Variants in MRTFA observed in about 807,000 individuals in gnomAD.
The protein encoded by MRTFA is myocardin-related transcription factor A.
In MRTFA, 20 loss-of-function variants were observed where a neutral mutation model predicts 83.5. The observed-to-expected ratio is 0.24, with a 90% CI of 0.17 to 0.35. The LOEUF is 0.35. MRTFA is among the 10% of genes least tolerant of loss of function. MRTFA has a pLI of 1.00. For missense variants in MRTFA, 1,200 were observed against 1,224.7 expected (o/e 0.98, Z 0.30); for synonymous variants, 659 against 541.2 (o/e 1.22, Z -3.02).
At chr22:40,569,332 C>T (rs17002019) in intron 2 of MRTFA, 19,683 of 215,870 alleles carry the variant, frequency 0.091, 1,147 homozygotes, top group East Asian at 0.24. Context: ...ACAGGACTGC[C>T]CCTTTTGACA....
intron 4 of MRTFA, among the ~76,000 whole-genome samples, chr22:40,459,313 G>A (rs1018651230): frequency 1.0e-4 from 15 of 150,488 alleles, no homozygotes; most frequent in African/African-American, 3.7e-4. Flanking sequence ...CAACAGGGAC[G>A]TAAATGAGGA....
At chr22:40,458,617 T>G (rs964532893) in intron 4 of MRTFA, among the ~76,000 whole-genome samples, 2 of 152,160 alleles carry the variant, frequency 1.3e-5, no homozygotes, top group African/African-American at 4.8e-5. Flanking sequence ...GTTTTTTTCC[T>G]TCCTGGAGGC....
At chr22:40,449,190 C>T (rs1289916464) in intron 4 of MRTFA, among the ~76,000 whole-genome samples, 1 of 151,398 alleles carries the variant, frequency 6.6e-6, no homozygotes, top group Admixed American at 6.6e-5. Flanking sequence ...TGGCGTGAAC[C>T]CAGGAGGCGG....
At chr22:40,529,174 A>G (rs1309972079) in intron 3 of MRTFA, among the ~76,000 whole-genome samples, 10 of 152,016 alleles carry the variant, frequency 6.6e-5, no homozygotes, top group Admixed American at 6.6e-4. Flanking sequence ...ATTAATTGCC[A>G]CTCCCCTCTT....
At chr22:40,538,574 A>T (rs1002767723) in intron 3 of MRTFA, among the ~76,000 whole-genome samples, 5 of 71,786 alleles carry the variant, frequency 7.0e-5, no homozygotes, top group Non-Finnish European at 1.2e-4. Flanking sequence ...TAAAAAAATA[A>T]ATTAAAAAAA....
At position 40,636,703 on chromosome 22, in the gene MRTFA, A is replaced by C. The variant is rs890405893; in HGVS notation, c.-309T>G. The C allele has an allele frequency of 2.0e-5, 3 of 152,324 alleles. No individual in the cohort carries two copies. The highest frequency in any genetic ancestry group is 7.2e-5 in the African/African-American group (3 of 41,440). The allele number at this position is 152,324 out of a possible 1,614,324, so 9.4% of individuals were successfully genotyped here. A position where few individuals can be genotyped will look rare whatever the true frequency, so the allele number is the denominator to read the frequency against. On this transcript the variant is annotated 5_prime_UTR_variant, in exon 1 of 15. Transcript: ENST00000355630. The stretch of plus-strand genomic sequence containing the variant: ...CTGCCGCCGCCGGCTCCTCTCAGCC[A>C]CGGAAGCTGCGGGCCCGCCCACCAC...
chr22:40,618,485 T>A (rs975345461), intron 1 of MRTFA, among the ~76,000 whole-genome samples: 1 of 151,852 alleles, frequency 6.6e-6, no homozygotes, highest in African/African-American at 2.4e-5. Context: ...AGAGAGTATT[T>A]CGGGTAGAGG....
At position 40,552,144 on chromosome 22, in the gene MRTFA, C is replaced by T; in HGVS notation, c.203G>A (p.Arg68Lys). 2.5e-6 allele frequency: 1 copy of T among 399,014 alleles called. No homozygotes were observed. Among genetic ancestry groups the T allele is most frequent in the South Asian group, 1.3e-4 (1 of 7,856 alleles). The allele number at this position is 399,014 out of a possible 1,614,324, so 24.7% of individuals were successfully genotyped here. ...ACTAAGTGGAGGCAAATTGGGATTCCTGCCAGGGTGGAGGCCTAGGGTCAG... is the reference window on the plus strand; with the variant it reads ...ACTAAGTGGAGGCAAATTGGGATTCTTGCCAGGGTGGAGGCCTAGGGTCAG... Residue 68 changes from arginine to lysine, a missense_variant, in exon 3 of 15, where the codon AGG (arginine) becomes AAG (lysine). Around this residue, in one of 2 missense-constraint regions of MRTFA, gnomAD observed 93 missense variants for 182.9 expected, o/e 0.51. Coordinates refer to ENST00000355630, the MANE Select transcript of MRTFA (RefSeq NM_020831.6).
At chr22:40,527,051 G>A (rs889397472) in intron 3 of MRTFA, among the ~76,000 whole-genome samples, 1 of 151,956 alleles carries the variant, frequency 6.6e-6, no homozygotes, top group African/African-American at 2.4e-5. Context: ...GCTTGAGCCA[G>A]GAAGGTTGAG....
chr22:40,432,542 A>T (rs1300772088), intron 5 of MRTFA, among the ~76,000 whole-genome samples: 1 of 152,090 alleles, frequency 6.6e-6, no homozygotes, highest in Non-Finnish European at 1.5e-5. Flanking sequence ...TGTGCTCTTA[A>T]CCTCTGCACC....
chr22:40,426,655 T>G (rs1165184926), intron 7 of MRTFA, among the ~76,000 whole-genome samples: 2 of 152,108 alleles, frequency 1.3e-5, no homozygotes, highest in African/African-American at 4.8e-5. Flanking sequence ...CTTGGCAAAC[T>G]CTGACCCAGC....
chr22:40,462,597 G>A (rs1028912356), intron 4 of MRTFA, among the ~76,000 whole-genome samples: 1 of 152,090 alleles, frequency 6.6e-6, no homozygotes, highest in Admixed American at 6.6e-5. Context: ...TAATGCTGTT[G>A]GTATTAAAGG....
intron 3 of MRTFA, among the ~76,000 whole-genome samples, chr22:40,518,795 CAAAAAAAAAAAAAA>C (rs879690699): frequency 1.5e-5 from 1 of 68,136 alleles, no homozygotes; most frequent in South Asian, 6.2e-4. Context: ...ACTCTGTCTC[CAAAAAAAAAAAAAA>C]AAAAAAAAAA....
At chr22:40,598,980 A>G (rs1378186216) in intron 1 of MRTFA, among the ~76,000 whole-genome samples, 4 of 150,112 alleles carry the variant, frequency 2.7e-5, no homozygotes, top group Non-Finnish European at 5.9e-5. Flanking sequence ...CCTGGGCAAC[A>G]AGAGGGAAAC....
chr22:40,619,583 G>T (rs997490384), intron 1 of MRTFA, among the ~76,000 whole-genome samples: 1 of 152,022 alleles, frequency 6.6e-6, no homozygotes, highest in African/African-American at 2.4e-5. Flanking sequence ...AAATTAATAG[G>T]AGAAATGTTA....
chr22:40,463,071 C>A (rs951796911), intron 4 of MRTFA, 150 bp downstream of exon 4: 1 of 714,452 alleles, frequency 1.4e-6, no homozygotes, highest in Non-Finnish European at 2.5e-6. Flanking sequence ...AGTGATTGAG[C>A]TCTAAACTTG....
intron 3 of MRTFA, among the ~76,000 whole-genome samples, chr22:40,465,612 G>A (rs187325902): frequency 1.2e-3 from 190 of 152,284 alleles, no homozygotes; most frequent in African/African-American, 3.4e-3. Context: ...CCAGGCTGGA[G>A]TGCAGTGGCA....
Position 40,470,276 on chromosome 22 carries a change from T to G in MRTFA, c.242-6990A>C, listed in dbSNP as rs1216667848. The stretch of plus-strand genomic sequence containing the variant: ...ATATATATATATATATATATATATA[T>G]ATATAAAGAAACATAATAAAGAGCA... On this transcript the variant is annotated intron_variant, in intron 3 of 14. Transcript: ENST00000355630. Among the ~76,000 whole-genome samples, 17 of 99,292 alleles carry G rather than the reference T, an allele frequency of 1.7e-4. No homozygotes were observed. In the South Asian group the frequency reaches 4.6e-3, roughly 27 times the overall value. The allele number at this position is 99,292 out of a possible 152,430, so 65.1% of individuals were successfully genotyped here.
chr22:40,461,507 C>T (rs1191175947), intron 4 of MRTFA, among the ~76,000 whole-genome samples: 1 of 150,020 alleles, frequency 6.7e-6, no homozygotes, highest in African/African-American at 2.5e-5. Context: ...AAATGAAGGC[C>T]GGACACAGTG....
Sources: gnomAD v4.1 joint callset for allele counts (sites outside exome capture counted in the v4.1 genomes callset) on GRCh38, gnomAD v4.1.1 for gene constraint, gnomAD v4.1.1 regional missense constraint, MANE v1.5 for transcripts, NCBI Gene and HGNC (gene_info 2026-07-23, HGNC 2026-07-21) for gene names.